PCNT: variants seen among roughly 807,000 people sequenced by gnomAD.
PCNT encodes the protein pericentrin.
PCNT carries 319 observed loss-of-function variants against 380.4 expected under a neutral mutation model. That is an observed-to-expected ratio of 0.84 (90% CI 0.77 to 0.92). The LOEUF (loss-of-function observed/expected upper bound fraction) is 0.92, where lower values mean the gene tolerates loss of function less well. PCNT is among the 40% of genes least tolerant of loss of function. The probability of loss-of-function intolerance (pLI) is 0.00; values close to 1 mark genes in which losing one functional copy is unlikely to be tolerated. For synonymous variants in PCNT, 1,845 were observed against 1,735.2 expected (o/e 1.06, Z -1.57); for missense variants, 4,400 against 4,255.3 (o/e 1.03, Z -0.95).
chr21:46,413,705 G>A (rs995405846), intron 29 of PCNT, among the ~76,000 whole-genome samples: 10 of 152,202 alleles, frequency 6.6e-5, no homozygotes, highest in South Asian at 2.1e-4. Context: ...GATGGCCAGC[G>A]TCTGTTTTAC....
chr21:46,429,416 G>T lies in PCNT; in HGVS notation c.7691-594G>T, dbSNP rs28667455. Among the ~76,000 whole-genome samples, 33 of 146,472 alleles carry T rather than the reference G, an allele frequency of 2.3e-4. No individual in the cohort carries two copies. The South Asian group carries it at 4.6e-3, about 21-fold the overall frequency. On this transcript the variant is annotated intron_variant, in intron 35 of 46. Transcript: ENST00000359568. ...CGAGCGCTCGTGAGGGGCATGGGGG[G>T]GCTGGCGCTGTGCACGTGCTCGTGA...
rs1258344751 is a variant in PCNT at position 46,363,911 on chromosome 21, G to A, written c.2586G>A (p.Leu862=). 6.2e-7 allele frequency: 1 copy of A among 1,609,912 alleles called. No individual in the cohort carries two copies. The highest frequency in any genetic ancestry group is 1.7e-5 in the Admixed American group (1 of 60,014). Residue 862 remains leucine (L), a synonymous_variant, in exon 14 of 47, where the codon CTG becomes CTA. Coordinates refer to ENST00000359568, the MANE Select transcript of PCNT (RefSeq NM_006031.6). ...TCCACGTGAAGGAAGACTGCGCCCTGCAGCTGATGCTGGCCCGGAGCAGGT... is the reference window on the plus strand; with the variant it reads ...TCCACGTGAAGGAAGACTGCGCCCTACAGCTGATGCTGGCCCGGAGCAGGT... ...AALHVKEDCA[L]QLMLARSRFL... is the part of the protein sequence containing the mutation.
intron 6 of PCNT, 49 bp from the exon 7 acceptor site, chr21:46,348,963 A>T: frequency 8.0e-7 from 1 of 1,242,544 alleles, no homozygotes. Flanking sequence ...AAATTTCTTT[A>T]GCACAGATAA....
chr21:46,346,980 A>T lies in PCNT; in HGVS notation c.958A>T (p.Arg320Trp). 1 of 1,595,560 alleles carries T rather than the reference A, an allele frequency of 6.3e-7. No individual in the cohort carries two copies. Residue 320 changes from arginine (R) to tryptophan (W), a missense_variant, in exon 5 of 47, where the codon AGG becomes TGG. Coordinates refer to ENST00000359568, the MANE Select transcript of PCNT (RefSeq NM_006031.6). ...ACGGGAGAAGGAGGAGGTGGTGCTC[A>T]GGTGTGGACAGGAAGCAGGTACTGC... ...HAREKEEVVL[R>W]CGQEAAELKE...
chr21:46,360,269 C>G (rs909319922), intron 13 of PCNT, among the ~76,000 whole-genome samples: 1 of 130,214 alleles, frequency 7.7e-6, no homozygotes, highest in Non-Finnish European at 1.6e-5. Flanking sequence ...GTTGCCCAGG[C>G]TGGAGTGCAG....
chr21:46,437,528 G>A (rs1286215871), intron 40 of PCNT, among the ~76,000 whole-genome samples: 1 of 152,246 alleles, frequency 6.6e-6, no homozygotes, highest in African/African-American at 2.4e-5. Context: ...TTGTGTTTGC[G>A]TTGACGGCCT....
chr21:46,365,080 C>T (rs1468645442), intron 14 of PCNT, among the ~76,000 whole-genome samples: 3 of 152,192 alleles, frequency 2.0e-5, no homozygotes, highest in Non-Finnish European at 2.9e-5. Flanking sequence ...CTGAGTGCCG[C>T]CTGCACCTCC....
intron 21 of PCNT, among the ~76,000 whole-genome samples, chr21:46,393,731 A>C (rs9975854): frequency 0.36 from 54,639 of 152,098 alleles, 10,507 homozygotes; most frequent in Middle Eastern, 0.5. Flanking sequence ...GGGCCTGAGC[A>C]CGTGGGTCTG....
At chr21:46,361,779 C>T (rs894446726) in intron 13 of PCNT, among the ~76,000 whole-genome samples, 1 of 152,084 alleles carries the variant, frequency 6.6e-6, no homozygotes, top group Non-Finnish European at 1.5e-5. Flanking sequence ...CTTTATTTTA[C>T]CTTGATTCTT....
At position 46,445,498 on chromosome 21, in the gene PCNT, G is replaced by T; in HGVS notation, c.*171G>T. The T allele has an allele frequency of 1.5e-6, 1 of 663,622 alleles. No homozygotes were observed. Among genetic ancestry groups the T allele is most frequent in the Non-Finnish European group, 2.7e-6 (1 of 365,870 alleles). 41.1% of individuals were successfully genotyped at this position (663,622 alleles called of 1,614,324 possible). On this transcript the variant is annotated 3_prime_UTR_variant, in exon 47 of 47. Transcript: ENST00000359568. The stretch of plus-strand genomic sequence containing the variant: ...CCTCACCTTTATGCATGACTGCAAA[G>T]CCAGCTGGAGCATTTTCTATGGAGC...
At chr21:46,438,017 T>C in intron 40 of PCNT, 147 bp from the exon 41 acceptor site, 2 of 706,112 alleles carry the variant, frequency 2.8e-6, no homozygotes, top group South Asian at 3.4e-5. Flanking sequence ...CAATGACTTT[T>C]ACAATTTTCT....
In PCNT at chr21:46,412,931, T is replaced by C; in HGVS notation, c.6089T>C (p.Leu2030Pro). Residue 2030 changes from leucine (L) to proline (P), a missense_variant, in exon 29 of 47, where the codon CTG (leucine) becomes CCG (proline). Physicochemically the swap from Leu to Pro is moderately conservative, Grantham distance 98. Transcript: ENST00000359568. ...MSVLTVCQRQ[L>P]QSELLLVKNE... is the part of the protein sequence containing the mutation. Reference sequence around the variant, plus strand: ...GTGCTCACCGTCTGCCAGAGGCAGCTGCAGTCGGAGCTGCTCTTGGTGAAA... The same window carrying C: ...GTGCTCACCGTCTGCCAGAGGCAGCCGCAGTCGGAGCTGCTCTTGGTGAAA... 5 of 1,612,312 alleles carry C rather than the reference T, an allele frequency of 3.1e-6. No homozygotes were observed. The highest frequency in any genetic ancestry group is 4.2e-6 in the Non-Finnish European group (5 of 1,180,008).
rs568077709 is a variant in PCNT, at chr21:46,376,019, G to A, written c.3166-5675G>A. Among the ~76,000 whole-genome samples the A allele has an allele frequency of 4.3e-4, 66 of 152,290 alleles. No homozygotes were observed. The East Asian group carries it at 0.011, about 25-fold the overall frequency. On this transcript the variant is annotated intron_variant, in intron 15 of 46. Transcript: ENST00000359568. ...AGCGCCACCTCTGTCTGCCATGCCCGGGCGTCCTGGTGGGCTGCGTGCAGT... is the reference window on the plus strand; with the variant it reads ...AGCGCCACCTCTGTCTGCCATGCCCAGGCGTCCTGGTGGGCTGCGTGCAGT...
chr21:46,421,430 C>G (rs2087245460), intron 31 of PCNT, among the ~76,000 whole-genome samples: 1 of 148,980 alleles, frequency 6.7e-6, no homozygotes, highest in African/African-American at 2.6e-5. Flanking sequence ...AGCTGCAGGT[C>G]TCTGGGATGG....
chr21:46,364,945 G>T (rs536897121), intron 14 of PCNT, among the ~76,000 whole-genome samples: 1 of 152,210 alleles, frequency 6.6e-6, no homozygotes, highest in Non-Finnish European at 1.5e-5. Context: ...CTTGCCATCC[G>T]TCCTGTGTCG....
chr21:46,410,283 C>T (rs980400087), intron 27 of PCNT, among the ~76,000 whole-genome samples: 1 of 152,134 alleles, frequency 6.6e-6, no homozygotes, highest in Non-Finnish European at 1.5e-5. Flanking sequence ...CAGGTTCATC[C>T]GGTTCCTTTG....
chr21:46,373,684 C>G (rs1262218503), intron 15 of PCNT, among the ~76,000 whole-genome samples: 4 of 148,482 alleles, frequency 2.7e-5, no homozygotes, highest in Non-Finnish European at 5.9e-5. Context: ...CTCACCCTCC[C>G]TAAGTGCTGG....
rs1481079299 is a variant in PCNT, at chr21:46,411,177, C to T, written c.5116-12C>T. 3 of 1,613,104 alleles carry T rather than the reference C, an allele frequency of 1.9e-6. No homozygotes were observed. The highest frequency in any genetic ancestry group is 2.2e-5 in the East Asian group (1 of 44,890). On this transcript the variant is annotated splice_polypyrimidine_tract_variant and intron_variant, in intron 27 of 46. Transcript: ENST00000359568. ...ACATTTAATTTGCCTCTGAAATGTC[C>T]TCTCTCTTCAGGTCATATATACCAG...
At chr21:46,354,530 G>A (rs1011280403) in intron 11 of PCNT, among the ~76,000 whole-genome samples, 3 of 152,226 alleles carry the variant, frequency 2.0e-5, no homozygotes, top group African/African-American at 4.8e-5. Context: ...GACTGTTCTG[G>A]GTCTGTGCTG....
Sources: gnomAD v4.1 joint callset for allele counts (sites outside exome capture counted in the v4.1 genomes callset) on GRCh38, gnomAD v4.1.1 for gene constraint, MANE v1.5 for transcripts, NCBI Gene and HGNC (gene_info 2026-07-23, HGNC 2026-07-21) for gene names.